The following RABGAP1L variants were observed in gnomAD, a reference collection of about 807,000 sequenced individuals.
The protein encoded by RABGAP1L is rab GTPase-activating protein 1-like.
RABGAP1L carries 63 observed loss-of-function variants against 137.7 expected under a neutral mutation model. That is an observed-to-expected ratio of 0.46 (90% CI 0.37 to 0.56). RABGAP1L has a LOEUF of 0.56. Ranked by LOEUF, RABGAP1L falls within the 20% of genes least tolerant of loss-of-function variation. The pLI is 0.00. For synonymous variants in RABGAP1L, 431 were observed against 433.7 expected, an observed-to-expected ratio of 0.99 and a Z score of 0.08; for missense variants, 1,095 against 1,244.0, an observed-to-expected ratio of 0.88 and a Z score of 1.80.
chr1:174,280,269 A>G (rs1325148552), intron 10 of RABGAP1L, among the ~76,000 whole-genome samples: 4 of 152,172 alleles, frequency 2.6e-5, no homozygotes, highest in African/African-American at 7.2e-5. Flanking sequence ...TCTACACTAT[A>G]CAACATTGGT....
intron 13 of RABGAP1L, among the ~76,000 whole-genome samples, chr1:174,467,495 CAA>C (rs1349116471): frequency 6.6e-6 from 1 of 151,618 alleles, no homozygotes; most frequent in Non-Finnish European, 1.5e-5. Context: ...CTTTGTTAGA[CAA>C]AGAGTAAAAT....
At chr1:174,239,447 C>T (rs765202920) in intron 4 of RABGAP1L, among the ~76,000 whole-genome samples, 1 of 152,162 alleles carries the variant, frequency 6.6e-6, no homozygotes, top group Admixed American at 6.6e-5. Flanking sequence ...TATCTTTATA[C>T]TCCCTAAGTA....
intron 13 of RABGAP1L, among the ~76,000 whole-genome samples, chr1:174,396,970 C>A (rs1259881212): frequency 7.2e-6 from 1 of 139,294 alleles, no homozygotes; most frequent in Admixed American, 7.5e-5. Context: ...GAGACGCTGT[C>A]TCTACAAAAA....
chr1:174,788,131 G>A (rs1687594943), intron 18 of RABGAP1L, among the ~76,000 whole-genome samples: 1 of 152,184 alleles, frequency 6.6e-6, no homozygotes, highest in Non-Finnish European at 1.5e-5. Context: ...TACCAGACCA[G>A]CTTCTGCATG....
chr1:174,878,922 A>G (rs1653631911), intron 19 of RABGAP1L, among the ~76,000 whole-genome samples: 1 of 105,360 alleles, frequency 9.5e-6, no homozygotes, highest in African/African-American at 4.3e-5. Context: ...TTTTTTGTGC[A>G]TTGTTTTTTT....
At chr1:174,649,912 A>G (rs1438501124) in intron 14 of RABGAP1L, among the ~76,000 whole-genome samples, 2 of 152,248 alleles carry the variant, frequency 1.3e-5, no homozygotes, top group Admixed American at 1.3e-4. Context: ...GTCTTGTGCC[A>G]GTTTTCAAAG....
intron 13 of RABGAP1L, among the ~76,000 whole-genome samples, chr1:174,518,803 C>T (rs754633153): frequency 3.9e-5 from 6 of 152,198 alleles, no homozygotes; most frequent in East Asian, 1.9e-4. Context: ...TCTTCACTTC[C>T]GGCGTACAAA....
At chr1:174,653,311 C>T (rs1415560297) in intron 14 of RABGAP1L, among the ~76,000 whole-genome samples, 1 of 152,118 alleles carries the variant, frequency 6.6e-6, no homozygotes, top group Non-Finnish European at 1.5e-5. Context: ...GTGTATGGTT[C>T]TGGCATTCCA....
chr1:174,931,300 G>A (rs1663748528), intron 19 of RABGAP1L, among the ~76,000 whole-genome samples: 1 of 152,132 alleles, frequency 6.6e-6, no homozygotes, highest in Non-Finnish European at 1.5e-5. Context: ...CTAATGGTGA[G>A]ACTGATATTC....
chr1:174,187,020 A>G (rs942050922), intron 1 of RABGAP1L, among the ~76,000 whole-genome samples: 2 of 152,124 alleles, frequency 1.3e-5, no homozygotes, highest in African/African-American at 4.8e-5. Context: ...GTTTTCTGTG[A>G]TAAGTTTCAC....
chr1:174,453,094 G>A (rs535117348), intron 13 of RABGAP1L, among the ~76,000 whole-genome samples: 24 of 152,338 alleles, frequency 1.6e-4, no homozygotes, highest in African/African-American at 4.3e-4. Flanking sequence ...CATCGTTTGA[G>A]ATTAAAGATA....
At chr1:174,768,824 T>C (rs1685875421) in intron 18 of RABGAP1L, among the ~76,000 whole-genome samples, 1 of 152,240 alleles carries the variant, frequency 6.6e-6, no homozygotes, top group Admixed American at 6.5e-5. Context: ...CTCTGCCTTA[T>C]GCCCTCTTGG....
intron 13 of RABGAP1L, among the ~76,000 whole-genome samples, chr1:174,437,019 G>A (rs1273215131): frequency 6.6e-6 from 1 of 152,252 alleles, no homozygotes; most frequent in Non-Finnish European, 1.5e-5. Context: ...CTGACTGTTA[G>A]AAGGAAAACT....
intron 14 of RABGAP1L, among the ~76,000 whole-genome samples, chr1:174,640,790 G>A (rs920982361): frequency 2.0e-5 from 3 of 151,360 alleles, no homozygotes; most frequent in African/African-American, 4.9e-5. Flanking sequence ...TTAGTATAGC[G>A]TTCAAATAAA....
intron 13 of RABGAP1L, among the ~76,000 whole-genome samples, chr1:174,615,613 A>C (rs1420381978): frequency 6.6e-6 from 1 of 152,214 alleles, no homozygotes; most frequent in Non-Finnish European, 1.5e-5. Flanking sequence ...CAAAGCTGTC[A>C]GACAGGGACA....
chr1:174,901,219 TG>T (rs1658091433), intron 19 of RABGAP1L, among the ~76,000 whole-genome samples: 1 of 152,342 alleles, frequency 6.6e-6, no homozygotes, highest in East Asian at 1.9e-4. Context: ...TTCTTAGCTT[TG>T]TTGCATTGGG....
chr1:174,566,543 A>C (rs1023400521), intron 13 of RABGAP1L, among the ~76,000 whole-genome samples: 1 of 152,212 alleles, frequency 6.6e-6, no homozygotes, highest in African/African-American at 2.4e-5. Flanking sequence ...GTATACTTAC[A>C]GAGTGACTGA....
intron 13 of RABGAP1L, among the ~76,000 whole-genome samples, chr1:174,401,275 G>A (rs1302669740): frequency 2.0e-5 from 3 of 152,142 alleles, no homozygotes; most frequent in African/African-American, 7.2e-5. Flanking sequence ...CCTTGGGCAA[G>A]CTCCTTAACT....
intron 17 of RABGAP1L, among the ~76,000 whole-genome samples, chr1:174,715,308 T>G (rs1168673117): frequency 6.6e-6 from 1 of 152,216 alleles, no homozygotes; most frequent in East Asian, 1.9e-4. Flanking sequence ...TTATCTATAT[T>G]GTACAAAAGA....
Sources: gnomAD v4.1 joint callset for allele counts (sites outside exome capture counted in the v4.1 genomes callset) on GRCh38, gnomAD v4.1.1 for gene constraint, MANE v1.5 for transcripts, NCBI Gene and HGNC (gene_info 2026-07-23, HGNC 2026-07-21) for gene names.